Variants in SCARB2 observed in about 807,000 individuals in gnomAD.
The protein encoded by SCARB2 is scavenger receptor class B member 2.
SCARB2 carries 29 observed loss-of-function variants against 58.6 expected under a neutral mutation model. That is an observed-to-expected ratio of 0.49 (90% confidence interval 0.37 to 0.67). The LOEUF (loss-of-function observed/expected upper bound fraction) is 0.67. Among genes scored for constraint, SCARB2 ranks in the 30% least tolerant of loss-of-function variants. SCARB2 has a pLI of 0.00. For missense variants in SCARB2, 488 were observed against 578.5 expected, an observed-to-expected ratio of 0.84 and a Z score of 1.60; for synonymous variants, 195 against 210.1, an observed-to-expected ratio of 0.93 and a Z score of 0.62.
At chr4:76,225,754 A>T (rs1733386780) in intron 1 of SCARB2, among the ~76,000 whole-genome samples, 1 of 152,146 alleles carries the variant, frequency 6.6e-6, no homozygotes, top group Admixed American at 6.5e-5. Context: ...ATCATGGCAT[A>T]TTATCTTTTT....
chr4:76,190,448 C>A (rs1446735392), intron 2 of SCARB2, among the ~76,000 whole-genome samples: 1 of 152,150 alleles, frequency 6.6e-6, no homozygotes, highest in Non-Finnish European at 1.5e-5. Flanking sequence ...ACTGAAGCAA[C>A]AGCATGAATA....
chr4:76,179,543 A>C lies in SCARB2; in HGVS notation c.586T>G (p.Ser196Ala), dbSNP rs1392148967. 2.5e-6 allele frequency: 4 copies of C among 1,614,126 alleles called. No homozygotes were observed. Among genetic ancestry groups the C allele is most frequent in the Non-Finnish European group, 2.5e-6 (3 of 1,179,958 alleles). Reference protein sequence around the residue: ...SLIHVFRPDISPYFGLFYEKN... With the variant: ...SLIHVFRPDIAPYFGLFYEKN... ...TCATAGAATAGGCCAAAATAGGGAG[A>C]GATATCGGGCCTGAAAACATGGATA... The change falls in exon 4 of 12, where the codon TCT becomes GCT. Residue 196 changes from serine to alanine, a missense_variant. Coordinates refer to ENST00000264896, the MANE Select transcript of SCARB2 (RefSeq NM_005506.4).
exon 1 of SCARB2, chr4:76,234,320 G>A (rs1263663669): frequency 9.2e-5 from 14 of 152,662 alleles, no homozygotes; most frequent in Non-Finnish European, 8.8e-5. Context: ...TGAGCCCCAT[G>A]TTGGGGGTCA....
At chr4:76,192,249 A>G (rs902697600) in intron 2 of SCARB2, 1 of 152,248 alleles carries the variant, frequency 6.6e-6, no homozygotes, top group Non-Finnish European at 1.5e-5. Flanking sequence ...GAAAGTTTGC[A>G]ATGTCTTAAA....
At chr4:76,214,176 A>G (rs1733150763), upstream of SCARB2, 1 of 452,964 alleles carries the variant, frequency 2.2e-6, no homozygotes, top group South Asian at 1.6e-5. Flanking sequence ...TGGCTGGGAC[A>G]TTCCCCTGCT....
chr4:76,162,943 G>T, intron 11 of SCARB2: 1 of 594,516 alleles, frequency 1.7e-6, no homozygotes, highest in South Asian at 2.0e-5. Flanking sequence ...TTTCTTTCAG[G>T]TTATTGTTTT....
intron 1 of SCARB2, among the ~76,000 whole-genome samples, chr4:76,229,118 AT>A (rs1733450378): frequency 6.6e-6 from 1 of 151,776 alleles, no homozygotes; most frequent in Admixed American, 6.6e-5. Flanking sequence ...TACTTGTTCT[AT>A]TGTTGACTTT....
At chr4:76,196,568 G>A (rs1732717073) in intron 1 of SCARB2, among the ~76,000 whole-genome samples, 1 of 152,118 alleles carries the variant, frequency 6.6e-6, no homozygotes, top group Non-Finnish European at 1.5e-5. Context: ...CTCCCAGTTT[G>A]CCCAGATGAG....
intron 7 of SCARB2, chr4:76,172,964 CCT>C (rs1289539252): frequency 1.3e-5 from 2 of 152,094 alleles, no homozygotes; most frequent in African/African-American, 4.8e-5. Flanking sequence ...ATGAGAAGAC[CCT>C]GAGTTCCGCC....
chr4:76,176,906 T>C (rs1031935230), intron 4 of SCARB2: 2 of 175,760 alleles, frequency 1.1e-5, no homozygotes, highest in South Asian at 1.5e-4. Context: ...CTCTATGGAT[T>C]TCAGACTTAC....
In SCARB2 at chr4:76,166,240, CAG is replaced by C. The variant is rs760273812; in HGVS notation, c.1239+8_1239+9del. On this transcript the variant is annotated splice_region_variant and intron_variant, in intron 10 of 11. Transcript: ENST00000264896. ...AAAACACCCGTGGCTCCCTCCGTCT[CAG>C]GACTTACCTCATTGAGGTACATCAC... 2 of 1,614,034 alleles carry C rather than the reference CAG, an allele frequency of 1.2e-6. No homozygotes were observed. Among genetic ancestry groups the C allele is most frequent in the South Asian group, 2.2e-5 (2 of 91,074 alleles).
intron 1 of SCARB2, among the ~76,000 whole-genome samples, chr4:76,222,023 T>C (rs1047920253): frequency 6.6e-6 from 1 of 152,246 alleles, no homozygotes; most frequent in East Asian, 1.9e-4. Flanking sequence ...CCTGGTATAC[T>C]AATATCTCTA....
chr4:76,234,088 C>T (rs2109987450), intron 1 of SCARB2, among the ~76,000 whole-genome samples: 1 of 152,306 alleles, frequency 6.6e-6, no homozygotes, highest in South Asian at 2.1e-4. Flanking sequence ...AGCCAGCTGC[C>T]CGCGGCACCT....
In SCARB2 at chr4:76,179,043, TTTTG is replaced by T. The variant is rs1048073691; in HGVS notation, c.612+470_612+473del. On this transcript the variant is annotated intron_variant, in intron 4 of 11. Coordinates refer to ENST00000264896, the MANE Select transcript of SCARB2 (RefSeq NM_005506.4). ...TGCACTCCAGGGTTTTTGTTTTTGTTTTTGTTTTTGTTTTTTTTTTGGCTTTTTT... is the reference window on the plus strand; with the variant it reads ...TGCACTCCAGGGTTTTTGTTTTTGTTTTTTTGTTTTTTTTTTGGCTTTTTT... The T allele has an allele frequency of 4.9e-4, 70 of 143,536 alleles. No homozygotes were observed. The Middle Eastern group carries it at 0.016, about 34-fold the overall frequency. 8.9% of individuals were successfully genotyped at this position (143,536 alleles called of 1,614,324 possible). A position where few individuals can be genotyped will look rare whatever the true frequency, so the allele number is the denominator to read the frequency against.
chr4:76,230,477 T>G (rs79343926), intron 1 of SCARB2, among the ~76,000 whole-genome samples: 5,093 of 152,260 alleles, frequency 0.033, 241 homozygotes, highest in African/African-American at 0.11. Flanking sequence ...AGGCCTCACC[T>G]GCCCCTCCCT....
intron 10 of SCARB2, chr4:76,164,876 C>T (rs1377965722): frequency 1.3e-5 from 2 of 151,396 alleles, no homozygotes; most frequent in Non-Finnish European, 2.9e-5. Context: ...TTTCCAATAA[C>T]TGGATAGAGT....
At chr4:76,193,108 CTCCAGCTCCAGACAT>C (rs1323567296) in intron 2 of SCARB2, 1 of 152,434 alleles carries the variant, frequency 6.6e-6, no homozygotes, top group Non-Finnish European at 1.5e-5. Flanking sequence ...ATCCCAGCCA[CTCCAGCTCCAGACAT>C]GGCTCAAAGG....
intron 1 of SCARB2, among the ~76,000 whole-genome samples, chr4:76,228,654 C>T (rs192868876): frequency 4.2e-4 from 64 of 152,218 alleles, no homozygotes; most frequent in Non-Finnish European, 6.3e-4. Context: ...AATTATTTTG[C>T]TTAAGGAGGC....
intron 1 of SCARB2, among the ~76,000 whole-genome samples, chr4:76,205,865 TTTCTC>T (rs1336717930): frequency 6.6e-6 from 1 of 152,222 alleles, no homozygotes; most frequent in Non-Finnish European, 1.5e-5. Context: ...TAGAGAAACA[TTTCTC>T]TACTCTAAGA....
Sources: allele counts gnomAD v4.1 joint callset (sites outside exome capture counted in the v4.1 genomes callset), GRCh38; gene constraint gnomAD v4.1.1; transcripts MANE v1.5; gene names NCBI Gene and HGNC (gene_info 2026-07-23, HGNC 2026-07-21).